Variants in NUP210L observed in about 807,000 individuals in gnomAD.
NUP210L encodes the protein nucleoporin 210 like, also known as nuclear pore membrane glycoprotein 210-like.
A neutral mutation model predicts 208.5 loss-of-function variants in NUP210L; 74 were observed. The observed-to-expected ratio is 0.35, with a 90% CI of 0.29 to 0.43. The LOEUF is 0.43. Among genes scored for constraint, NUP210L ranks in the 20% least tolerant of loss-of-function variants. The probability of loss-of-function intolerance (pLI) is 1.00; values close to 1 mark genes in which losing one functional copy is unlikely to be tolerated. For synonymous variants in NUP210L, 780 were observed against 816.9 expected (o/e 0.95, Z 0.77); for missense variants, 1,843 against 2,289.4 (o/e 0.81, Z 3.98).
chr1:154,115,557 A>T (rs1281700544), intron 12 of NUP210L, among the ~76,000 whole-genome samples: 1 of 152,136 alleles, frequency 6.6e-6, no homozygotes, highest in Non-Finnish European at 1.5e-5. Flanking sequence ...ATACACAAGG[A>T]TTTCTCTTTT....
chr1:154,134,212 G>C (rs1273268788), intron 7 of NUP210L, among the ~76,000 whole-genome samples: 1 of 151,214 alleles, frequency 6.6e-6, no homozygotes, highest in Non-Finnish European at 1.5e-5. Context: ...GGACAAAATG[G>C]CAATTTGTAT....
At chr1:154,003,009 C>CTTTTTTT (rs34229994) in intron 35 of NUP210L, among the ~76,000 whole-genome samples, 2 of 133,494 alleles carry the variant, frequency 1.5e-5, no homozygotes, top group African/African-American at 2.7e-5. Flanking sequence ...CCTTAGCTGT[C>CTTTTTTT]TTTTTTTTTT....
At chr1:154,062,693 T>A (rs1654206938) in intron 17 of NUP210L, among the ~76,000 whole-genome samples, 1 of 147,268 alleles carries the variant, frequency 6.8e-6, no homozygotes, top group Admixed American at 7.0e-5. Context: ...GCTCAAGCAG[T>A]CCTCCCACCT....
intron 35 of NUP210L, among the ~76,000 whole-genome samples, chr1:154,007,795 C>T (rs1333182235): frequency 6.6e-6 from 1 of 150,980 alleles, no homozygotes; most frequent in Non-Finnish European, 1.5e-5. Context: ...AGGATGGTCT[C>T]GGTCTCCTGA....
intron 30 of NUP210L, among the ~76,000 whole-genome samples, chr1:154,023,828 G>A (rs1651698747): frequency 6.9e-6 from 1 of 143,958 alleles, no homozygotes; most frequent in African/African-American, 2.6e-5. Context: ...TTGCTGTCTC[G>A]CCCAGGCTGG....
intron 31 of NUP210L, among the ~76,000 whole-genome samples, chr1:154,022,806 TA>T (rs1651642928): frequency 6.6e-6 from 1 of 150,992 alleles, no homozygotes; most frequent in South Asian, 2.1e-4. Flanking sequence ...GCCTCCCTAG[TA>T]GCTGGGACTA....
rs190580830 is a variant in NUP210L at position 154,122,542 on chromosome 1, G to A, written c.1327-3734C>T. ...ATGGTGGCAGGCGCCTGTAGTCCCA[G>A]CTACTCAGAGGCTGAGGCAGGAGAA... On this transcript the variant is annotated intron_variant, in intron 10 of 39. Coordinates refer to ENST00000368559, the Ensembl canonical transcript of NUP210L. Among the ~76,000 whole-genome samples the A allele has an allele frequency of 3.5e-4, 53 of 152,232 alleles. 1 individual carries two copies. The East Asian group carries it at 9.7e-3, about 28-fold the overall frequency.
rs1656728306 is a variant in NUP210L, at chr1:154,105,826, G to A, written c.1621-1616C>T. 3.3e-5 allele frequency among the ~76,000 whole-genome samples: 5 copies of A among 152,140 alleles called. No homozygotes were observed. In the South Asian group the frequency reaches 1.0e-3, roughly 32 times the overall value. ...CACTTCACTGAAGGGAGAGACCCAG[G>A]CCTGGTAGCATTCACAAGCTGACTG... On this transcript the variant is annotated intron_variant, in intron 12 of 39. Transcript: ENST00000368559.
chr1:154,092,538 T>A (rs542424228), intron 15 of NUP210L, among the ~76,000 whole-genome samples: 1 of 141,938 alleles, frequency 7.0e-6, no homozygotes, highest in Non-Finnish European at 1.5e-5. Context: ...CCTGGCTAGT[T>A]TTTTGTTTTT....
chr1:154,053,539 G>C (rs912072134), intron 25 of NUP210L, among the ~76,000 whole-genome samples: 1 of 152,170 alleles, frequency 6.6e-6, no homozygotes, highest in Non-Finnish European at 1.5e-5. Context: ...GAAGGTTGTC[G>C]GTTTACCAGA....
At chr1:154,006,966 ATTTT>A (rs1196661554) in intron 35 of NUP210L, among the ~76,000 whole-genome samples, 60 of 115,778 alleles carry the variant, frequency 5.2e-4, no homozygotes, top group Admixed American at 8.8e-4. Context: ...ATATATATAT[ATTTT>A]TTTTTTTTTT....
At chr1:154,078,862 G>A (rs1273752895) in intron 16 of NUP210L, 1 of 152,084 alleles carries the variant, frequency 6.6e-6, no homozygotes, top group Non-Finnish European at 1.5e-5. Context: ...TAAACAAGAA[G>A]GCCATGCAGT....
intron 12 of NUP210L, 48 bp from the exon 13 acceptor site, chr1:154,104,258 T>C (rs372566493): frequency 8.5e-6 from 13 of 1,538,058 alleles, no homozygotes; most frequent in Non-Finnish European, 1.1e-5. Flanking sequence ...TAAAAAAAAG[T>C]CTTAGGAGGA....
At chr1:154,123,900 G>C (rs1657742826) in intron 10 of NUP210L, among the ~76,000 whole-genome samples, 1 of 150,632 alleles carries the variant, frequency 6.6e-6, no homozygotes, top group Non-Finnish European at 1.5e-5. Context: ...AAGAGAGAGA[G>C]AGGCTGGGCG....
intron 12 of NUP210L, among the ~76,000 whole-genome samples, chr1:154,109,063 G>A (rs112659331): frequency 2.6e-5 from 4 of 151,776 alleles, no homozygotes; most frequent in East Asian, 1.9e-4. Context: ...TCATGCCATC[G>A]CACTCCAGCC....
intron 35 of NUP210L, among the ~76,000 whole-genome samples, chr1:154,004,680 T>C (rs12042836): frequency 0.12 from 17,564 of 151,806 alleles, 1,564 homozygotes; most frequent in East Asian, 0.49. Context: ...AGGTTCTCCA[T>C]CTGTTGCCCA....
At chr1:154,118,806 A>T in exon 11 of NUP210L, 1 of 1,552,372 alleles carries the variant, frequency 6.4e-7, no homozygotes. Flanking sequence ...GAATATCTTT[A>T]TTCTATAAGA....
At chr1:154,070,424 T>G (rs1456516357) in exon 17 of NUP210L, 1 of 1,611,904 alleles carries the variant, frequency 6.2e-7, no homozygotes, top group Non-Finnish European at 8.5e-7. Context: ...GATCAAACAC[T>G]GCTAGTTCCA....
Position 154,140,666 on chromosome 1 carries a change from C to CAAAAAAAAA in NUP210L, c.567-723_567-715dup, listed in dbSNP as rs1434093544. 1.2e-4 allele frequency among the ~76,000 whole-genome samples: 12 copies of CAAAAAAAAA among 102,410 alleles called. 2 individuals carry two copies. Among genetic ancestry groups the CAAAAAAAAA allele is most frequent in the Non-Finnish European group, 2.2e-4 (10 of 45,238 alleles). 67.2% of individuals were successfully genotyped at this position (102,410 alleles called of 152,430 possible). Reference sequence around the variant, plus strand: ...TGAGTGACAGAGCAAGACTCCATCTCAAAAAAAAAAACAGAAAAAGAAAAG... The same window carrying CAAAAAAAAA: ...TGAGTGACAGAGCAAGACTCCATCTCAAAAAAAAAAAAAAAAAAAACAGAAAAAGAAAAG... On this transcript the variant is annotated intron_variant, in intron 4 of 39. Transcript: ENST00000368559.
Sources: allele counts gnomAD v4.1 joint callset (sites outside exome capture counted in the v4.1 genomes callset), GRCh38; gene constraint gnomAD v4.1.1; transcripts MANE v1.5; gene names NCBI Gene and HGNC (gene_info 2026-07-23, HGNC 2026-07-21).